Variants in RBM44 observed in about 807,000 individuals in gnomAD.
RBM44 encodes RNA binding motif protein 44.
A neutral mutation model predicts 105.1 loss-of-function variants in RBM44; 66 were observed. The observed-to-expected ratio is 0.63, with a 90% CI of 0.52 to 0.77. The LOEUF (loss-of-function observed/expected upper bound fraction) is 0.77. RBM44 is among the 30% of genes least tolerant of loss of function. The pLI is 0.00. For synonymous variants in RBM44, 365 were observed against 417.6 expected, an observed-to-expected ratio of 0.87 and a Z score of 1.54; for missense variants, 1,122 against 1,207.8, an observed-to-expected ratio of 0.93 and a Z score of 1.05.
chr2:237,826,950 G>A (rs554514841), intron 10 of RBM44, among the ~76,000 whole-genome samples: 95 of 152,220 alleles, frequency 6.2e-4, no homozygotes, highest in South Asian at 3.5e-3. Flanking sequence ...GATACTGAGG[G>A]ACAACAATTA....
chr2:237,833,591 C>T (rs777684024), intron 13 of RBM44, among the ~76,000 whole-genome samples: 18 of 152,110 alleles, frequency 1.2e-4, no homozygotes, highest in African/African-American at 2.7e-4. Context: ...AGAATTAAGC[C>T]TTAATGCCCT....
At chr2:237,837,397 T>C (rs2150991711) in intron 15 of RBM44, among the ~76,000 whole-genome samples, 1 of 152,336 alleles carries the variant, frequency 6.6e-6, no homozygotes, top group South Asian at 2.1e-4. Context: ...GGAGTCACCA[T>C]TCTAGATGCC....
intron 1 of RBM44, among the ~76,000 whole-genome samples, chr2:237,802,131 A>C (rs1425048540): frequency 6.6e-6 from 1 of 152,206 alleles, no homozygotes; most frequent in Non-Finnish European, 1.5e-5. Context: ...CATCATTCAG[A>C]TCTGAGGTTA....
rs372536189 is a variant in RBM44 at position 237,817,340 on chromosome 2, G to A, written c.421G>A (p.Glu141Lys). Residue 141 changes from glutamate to lysine, a missense_variant, in exon 3 of 16, where the codon GAG becomes AAG. Glu to Lys is a moderately conservative substitution (Grantham distance 56). Transcript: ENST00000316997. ...SELDPEVQKK[E>K]EVFFNILEHQ... Reference sequence around the variant, plus strand: ...ATTAGATCCTGAAGTGCAGAAAAAAGAGGAGGTTTTTTTTAATATTTTGGA... The same window carrying A: ...ATTAGATCCTGAAGTGCAGAAAAAAAAGGAGGTTTTTTTTAATATTTTGGA... 1.2e-6 allele frequency: 2 copies of A among 1,601,794 alleles called. No individual in the cohort carries two copies. Among genetic ancestry groups the A allele is most frequent in the African/African-American group, 2.7e-5 (2 of 74,074 alleles).
intron 1 of RBM44, among the ~76,000 whole-genome samples, chr2:237,812,058 G>C (rs1016415847): frequency 6.6e-6 from 1 of 151,740 alleles, no homozygotes; most frequent in Non-Finnish European, 1.5e-5. Flanking sequence ...GTCTCACCAC[G>C]TTACCCAGCC....
chr2:237,823,502 TA>T lies in RBM44; in HGVS notation c.2273del (p.Asn758MetfsTer4). On this transcript the variant is annotated frameshift_variant, in exon 9 of 16. Transcript: ENST00000316997. LOFTEE classifies it high-confidence loss of function. Reference protein sequence around the residue: ...QNISPKKDDFKNGDINADFSQ... With the variant: ...QNISPKKDDFXNGDINADFSQ... The stretch of plus-strand genomic sequence containing the variant: ...ACATATCACCCAAGAAAGATGACTT[TA>T]AAAATGGTGATATAAATGCAGACTT... 1 of 1,543,714 alleles carries T rather than the reference TA, an allele frequency of 6.5e-7. No individual in the cohort carries two copies. Among genetic ancestry groups the T allele is most frequent in the Non-Finnish European group, 8.8e-7 (1 of 1,138,182 alleles).
intron 7 of RBM44, among the ~76,000 whole-genome samples, 181 bp from the exon 8 acceptor site, chr2:237,821,562 G>A (rs558458968): frequency 6.6e-6 from 1 of 152,082 alleles, no homozygotes; most frequent in Non-Finnish European, 1.5e-5. Flanking sequence ...TGCATAGGAT[G>A]TGTACTAATC....
Position 237,816,588 on chromosome 2 carries a change from G to A in RBM44, c.74-405G>A, listed in dbSNP as rs1576503660. ...TCATAGTTTTGGAGGCTGGAAGTCT[G>A]AGATCAAGGTGCCAGCATGGTCAGG... On this transcript the variant is annotated intron_variant, in intron 2 of 15. Coordinates refer to ENST00000316997, the MANE Select transcript of RBM44 (RefSeq NM_001080504.3). 2.6e-5 allele frequency among the ~76,000 whole-genome samples: 4 copies of A among 152,260 alleles called. No homozygotes were observed. The South Asian group carries it at 8.3e-4, about 32-fold the overall frequency.
rs796426790 is a variant in RBM44 at position 237,841,624 on chromosome 2, TGA to T, written c.*23-211_*23-210del. On this transcript the variant is annotated intron_variant, in intron 15 of 15. Coordinates refer to ENST00000316997, the MANE Select transcript of RBM44 (RefSeq NM_001080504.3). The surrounding 1 kb of genome is among the most constrained non-coding windows in gnomAD (Gnocchi z 4.5). ...TTTTCTTTATTAAAATGAAATAAAA[TGA>T]GAGGCATGTGAAAGAAATATGAGTT... Among the ~76,000 whole-genome samples, 2 of 128,606 alleles carry T rather than the reference TGA, an allele frequency of 1.6e-5. No homozygotes were observed. Among genetic ancestry groups the T allele is most frequent in the African/African-American group, 5.8e-5 (2 of 34,442 alleles). 84.4% of individuals were successfully genotyped at this position (128,606 alleles called of 152,430 possible).
chr2:237,818,825 A>G lies in RBM44; in HGVS notation c.1678-76A>G. The G allele has an allele frequency of 1.2e-6, 1 of 865,810 alleles. No individual in the cohort carries two copies. The highest frequency in any genetic ancestry group is 1.8e-6 in the Non-Finnish European group (1 of 555,624). 53.6% of individuals were successfully genotyped at this position (865,810 alleles called of 1,614,324 possible). The stretch of plus-strand genomic sequence containing the variant: ...AGCTCCTCCCACAAAATCCATTAGA[A>G]ATTGAATTGTACATTTTATTAGTTT... On this transcript the variant is annotated intron_variant, in intron 3 of 15. Coordinates refer to ENST00000316997, the MANE Select transcript of RBM44 (RefSeq NM_001080504.3). This position sits in a 1 kb window ranked among gnomAD's most constrained non-coding sequence, Gnocchi z 4.6.
chr2:237,818,064 C>T lies in RBM44; in HGVS notation c.1145C>T (p.Thr382Ile). The T allele has an allele frequency of 1.2e-6, 2 of 1,612,858 alleles. No individual in the cohort carries two copies. The highest frequency in any genetic ancestry group is 2.2e-5 in the East Asian group (1 of 44,856). ...TGTAAAGATTGTCAAACTTCCTGGACCTCTGTTTTTGATGATTCGATAATT... is the reference window on the plus strand; with the variant it reads ...TGTAAAGATTGTCAAACTTCCTGGATCTCTGTTTTTGATGATTCGATAATT... The part of the protein sequence containing the change: ...QPCKDCQTSW[T>I]SVFDDSIISA... The change falls in exon 3 of 16, where the codon ACC becomes ATC. Residue 382 changes from threonine (T) to isoleucine (I), a missense_variant. Physicochemically the swap from Thr to Ile is moderately conservative, Grantham distance 89 (BLOSUM62 -1). Around this residue, in one of 3 missense-constraint regions of RBM44, gnomAD observed 918 missense variants for 955.3 expected, o/e 0.96. Coordinates refer to ENST00000316997, the MANE Select transcript of RBM44 (RefSeq NM_001080504.3). This position sits in a 1 kb window ranked among gnomAD's most constrained non-coding sequence, Gnocchi z 4.6.
intron 4 of RBM44, among the ~76,000 whole-genome samples, chr2:237,819,876 T>C (rs2061764184): frequency 6.6e-6 from 1 of 152,020 alleles, no homozygotes; most frequent in Middle Eastern, 3.2e-3. Flanking sequence ...AAAATGACTT[T>C]ATAGAGAATA....
rs2150980068 is a variant in RBM44, at chr2:237,820,164, T to C, written c.1737-11T>C. Reference sequence around the variant, plus strand: ...TGGAATCTTACCTGATCCTATCTTTTATTTTTAAAGGGAATTTCAACTTTT... The same window carrying C: ...TGGAATCTTACCTGATCCTATCTTTCATTTTTAAAGGGAATTTCAACTTTT... On this transcript the variant is annotated splice_polypyrimidine_tract_variant and intron_variant, in intron 4 of 15. Coordinates refer to ENST00000316997, the MANE Select transcript of RBM44 (RefSeq NM_001080504.3). The C allele has an allele frequency of 1.4e-6, 2 of 1,467,576 alleles. No individual in the cohort carries two copies. Among genetic ancestry groups the C allele is most frequent in the Middle Eastern group, 3.5e-4 (2 of 5,700 alleles). 90.9% of individuals were successfully genotyped at this position (1,467,576 alleles called of 1,614,324 possible).
chr2:237,804,075 G>A (rs2061574707), intron 1 of RBM44, among the ~76,000 whole-genome samples: 1 of 151,892 alleles, frequency 6.6e-6, no homozygotes, highest in Non-Finnish European at 1.5e-5. Context: ...TCACCATGTT[G>A]GCCAGGCTGG....
intron 1 of RBM44, among the ~76,000 whole-genome samples, chr2:237,812,960 TAAA>T (rs1327666981): frequency 6.6e-6 from 1 of 152,176 alleles, no homozygotes; most frequent in Non-Finnish European, 1.5e-5. Context: ...TATGTATTAA[TAAA>T]AAGTCATCAT....
At position 237,821,809 on chromosome 2, in the gene RBM44, A is replaced by T. The variant is rs1345075907; in HGVS notation, c.2187A>T (p.Leu729=). The T allele has an allele frequency of 1.2e-6, 2 of 1,606,140 alleles. No individual in the cohort carries two copies. The highest frequency in any genetic ancestry group is 2.7e-5 in the African/African-American group (2 of 74,732). Residue 729 remains leucine (L), a synonymous_variant, in exon 8 of 16, where the codon CTA becomes CTT. Transcript: ENST00000316997. ...ATGATGTTGATGTTTCTTCAAACCT[A>T]AAAAAGACACTCTCTCAAGTAAGGG... ...RAHDVDVSSN[L]KKTLSQMSLS...
At chr2:237,831,293 T>G (rs577035724) in intron 13 of RBM44, among the ~76,000 whole-genome samples, 1 of 152,054 alleles carries the variant, frequency 6.6e-6, no homozygotes, top group East Asian at 1.9e-4. Context: ...TTTGTTTTGT[T>G]TTTTTGAGAT....
chr2:237,839,512 G>A (rs533115985), intron 15 of RBM44, among the ~76,000 whole-genome samples: 23 of 137,404 alleles, frequency 1.7e-4, no homozygotes, highest in Admixed American at 3.1e-4. Context: ...CTTGTGATCC[G>A]CCCGCCTTGG....
intron 1 of RBM44, among the ~76,000 whole-genome samples, chr2:237,799,689 T>C (rs2061526466): frequency 6.6e-6 from 1 of 152,200 alleles, no homozygotes; most frequent in African/African-American, 2.4e-5. Flanking sequence ...CCCGGACCGT[T>C]GTAGGGTTTT....
Sources: allele counts gnomAD v4.1 joint callset (sites outside exome capture counted in the v4.1 genomes callset), GRCh38; gene constraint gnomAD v4.1.1; regional missense constraint gnomAD v4.1.1; non-coding constraint Gnocchi (gnomAD v3.1); transcripts MANE v1.5; gene names NCBI Gene and HGNC (gene_info 2026-07-23, HGNC 2026-07-21).